The following FAXDC2 variants were observed in gnomAD, a reference collection of about 807,000 sequenced individuals.
The protein encoded by FAXDC2 is fatty acid hydroxylase domain containing 2.
In FAXDC2, 41 loss-of-function variants were observed where a neutral mutation model predicts 40.9. The ratio of observed to expected loss-of-function variants is 1.00; its 90% CI spans 0.78 to 1.30. FAXDC2 has a LOEUF of 1.30. Ranked by LOEUF, FAXDC2 falls within the 50% of genes most tolerant of loss-of-function variation. The probability of loss-of-function intolerance (pLI) is 0.00; values close to 1 mark genes in which losing one functional copy is unlikely to be tolerated. For synonymous variants in FAXDC2, 157 were observed against 149.3 expected (o/e 1.05, Z -0.38); for missense variants, 390 against 408.8 (o/e 0.95, Z 0.40).
intron 4 of FAXDC2, 43 bp downstream of exon 4, chr5:154,834,582 T>A (rs767909007): frequency 7.8e-7 from 1 of 1,285,568 alleles, no homozygotes; most frequent in Non-Finnish European, 1.1e-6. Flanking sequence ...TAAGTTATAA[T>A]CATGCACCCA....
Position 154,826,538 on chromosome 5 carries a change from A to G in FAXDC2, c.367-2946T>C, listed in dbSNP as rs969852093. On this transcript the variant is annotated intron_variant, in intron 5 of 8. Coordinates refer to ENST00000326080, the MANE Select transcript of FAXDC2 (RefSeq NM_032385.5). ...AGCAAGACTGTCTCTAAAAAAAAAA[A>G]AAAAAAAAGAAAAGAAAATATTGAG... Among the ~76,000 whole-genome samples the G allele has an allele frequency of 5.9e-5, 9 of 151,864 alleles. No homozygotes were observed. In the East Asian group the frequency reaches 7.7e-4, roughly 13 times the overall value.
intron 1 of FAXDC2, among the ~76,000 whole-genome samples, chr5:154,848,909 G>A (rs771563401): frequency 6.6e-6 from 1 of 152,102 alleles, no homozygotes; most frequent in Non-Finnish European, 1.5e-5. Flanking sequence ...GGAGGTTGCA[G>A]TGAGCCAAGA....
chr5:154,845,572 C>T (rs1760579082), intron 1 of FAXDC2, among the ~76,000 whole-genome samples: 1 of 151,832 alleles, frequency 6.6e-6, no homozygotes, highest in Non-Finnish European at 1.5e-5. Flanking sequence ...CCTATATCCA[C>T]AAAGTATTAA....
chr5:154,843,453 C>T (rs1398276677), intron 1 of FAXDC2, among the ~76,000 whole-genome samples: 2 of 152,202 alleles, frequency 1.3e-5, no homozygotes, highest in African/African-American at 2.4e-5. Context: ...AGTCTGGATA[C>T]ATATTCATCA....
chr5:154,830,716 C>G, intron 5 of FAXDC2, 85 bp downstream of exon 5: 1 of 1,534,558 alleles, frequency 6.5e-7, no homozygotes, highest in Non-Finnish European at 9.0e-7. Context: ...GGCCAGGTCT[C>G]TCCTGGGCCA....
chr5:154,820,429 G>C lies in FAXDC2; in HGVS notation c.889C>G (p.His297Asp). 2 of 1,613,278 alleles carry C rather than the reference G, an allele frequency of 1.2e-6. No homozygotes were observed. Among genetic ancestry groups the C allele is most frequent in the Admixed American group, 3.3e-5 (2 of 59,982 alleles). Reference protein sequence around the residue: ...YGVLGVLDHLHGTDTMFKQTK... With the variant: ...YGVLGVLDHLDGTDTMFKQTK... ...TGCTTGAACATGGTGTCAGTCCCATGGAGGTGGTCCAGCACACCCAGCACC... is the reference window on the plus strand; with the variant it reads ...TGCTTGAACATGGTGTCAGTCCCATCGAGGTGGTCCAGCACACCCAGCACC... Residue 297 changes from histidine to aspartate, a missense_variant, in exon 9 of 9, where the codon CAT becomes GAT. Physicochemically the swap from His to Asp is moderately conservative, Grantham distance 81. Coordinates refer to ENST00000326080, the MANE Select transcript of FAXDC2 (RefSeq NM_032385.5).
intron 1 of FAXDC2, among the ~76,000 whole-genome samples, chr5:154,849,613 T>C (rs924013455): frequency 6.6e-5 from 10 of 152,214 alleles, no homozygotes; most frequent in African/African-American, 2.4e-4. Context: ...TTTAGCACCA[T>C]TCCCTTGTGC....
chr5:154,822,553 G>T lies in FAXDC2; in HGVS notation c.597C>A (p.Tyr199Ter). The T allele has an allele frequency of 1.2e-6, 2 of 1,614,130 alleles. No individual in the cohort carries two copies. The highest frequency in any genetic ancestry group is 1.1e-5 in the South Asian group (1 of 91,088). ...CATGGTGTTTCTTGTGGATTTTCTT[G>T]TAGAATGTTGGGTGGTGAAGGAGCC... The part of the protein sequence containing the change: ...SHRLLHHPTF[Y>*]KKIHKKHHEW... Residue 199 changes from tyrosine (Y) to a stop codon, truncating the protein, a stop_gained, in exon 7 of 9, where the codon TAC becomes TAA. Transcript: ENST00000326080. LOFTEE classifies it high-confidence loss of function.
intron 4 of FAXDC2, chr5:154,831,412 A>AC (rs1760186609): frequency 6.5e-6 from 1 of 153,060 alleles, no homozygotes; most frequent in African/African-American, 2.4e-5. Context: ...TCTAGTCAGT[A>AC]TAAGTGGAAA....
chr5:154,840,073 A>C (rs942988426), intron 1 of FAXDC2, among the ~76,000 whole-genome samples: 1 of 152,210 alleles, frequency 6.6e-6, no homozygotes, highest in African/African-American at 2.4e-5. Flanking sequence ...TCTATAGATG[A>C]TAAGTAGCAG....
chr5:154,841,899 C>A (rs563526272), intron 1 of FAXDC2, among the ~76,000 whole-genome samples: 1 of 152,200 alleles, frequency 6.6e-6, no homozygotes, highest in East Asian at 1.9e-4. Context: ...CCATGCACAG[C>A]TAATTTTTTT....
At chr5:154,847,706 G>C (rs1760634147) in intron 1 of FAXDC2, among the ~76,000 whole-genome samples, 1 of 151,308 alleles carries the variant, frequency 6.6e-6, no homozygotes, top group Non-Finnish European at 1.5e-5. Flanking sequence ...GGCCAGGCTG[G>C]TCTTGAACTC....
At chr5:154,821,121 G>A in intron 8 of FAXDC2, 139 bp downstream of exon 8, 1 of 751,502 alleles carries the variant, frequency 1.3e-6, no homozygotes, top group Non-Finnish European at 2.3e-6. Context: ...TCCCAGTGTG[G>A]TTATTTTCCC....
At chr5:154,829,945 G>A (rs1490532649) in intron 5 of FAXDC2, among the ~76,000 whole-genome samples, 1 of 152,198 alleles carries the variant, frequency 6.6e-6, no homozygotes, top group African/African-American at 2.4e-5. Context: ...AGTAAGCCAG[G>A]CCAGCAGTCC....
rs759823090 is a variant in FAXDC2, at chr5:154,823,422, C to T, written c.537G>A (p.Thr179=). The change falls in exon 6 of 9, where the codon ACG becomes ACA. Residue 179 remains threonine, a synonymous_variant. Transcript: ENST00000326080. ...AGTAGAACAAGACTTCCTCGATCAGCGTGAAGATGGCCAGCTCCAGGAGGA... is the reference window on the plus strand; with the variant it reads ...AGTAGAACAAGACTTCCTCGATCAGTGTGAAGATGGCCAGCTCCAGGAGGA... ...HWFLLELAIF[T]LIEEVLFYYS... 17 of 1,613,838 alleles carry T rather than the reference C, an allele frequency of 1.1e-5. No homozygotes were observed. In the South Asian group the frequency reaches 1.5e-4, roughly 15 times the overall value.
intron 1 of FAXDC2, among the ~76,000 whole-genome samples, chr5:154,846,166 A>G (rs1032180414): frequency 6.6e-6 from 1 of 152,078 alleles, no homozygotes; most frequent in African/African-American, 2.4e-5. Context: ...CTACAAAAGT[A>G]TAGAATACAT....
At position 154,838,198 on chromosome 5, in the gene FAXDC2, G is replaced by A; in HGVS notation, c.1-20C>T. On this transcript the variant is annotated intron_variant, in intron 1 of 8. Transcript: ENST00000326080. Reference sequence around the variant, plus strand: ...TTTCATCTGGAATGAGAAAGCACAGGCGAGCCGGGGAGTTATTTTCATAAA... The same window carrying A: ...TTTCATCTGGAATGAGAAAGCACAGACGAGCCGGGGAGTTATTTTCATAAA... 2 of 1,611,762 alleles carry A rather than the reference G, an allele frequency of 1.2e-6. No individual in the cohort carries two copies. Among genetic ancestry groups the A allele is most frequent in the Non-Finnish European group, 8.5e-7 (1 of 1,178,702 alleles).
rs748985025 is a variant in FAXDC2 at position 154,821,337 on chromosome 5, G to C, written c.768C>G (p.Ile256Met). ...AGCCACAGTGGGAGATGGTGGTGATGATGAGGGCCAAGGAAAACCACATGG... is the reference window on the plus strand; with the variant it reads ...AGCCACAGTGGGAGATGGTGGTGATCATGAGGGCCAAGGAAAACCACATGG... ...SITMWFSLAL[I>M]ITTISHCGYH... The change falls in exon 8 of 9, where the codon ATC (isoleucine) becomes ATG (methionine). Residue 256 changes from isoleucine (I) to methionine (M), a missense_variant. By Grantham distance (10) the Ile-to-Met change is conservative (BLOSUM62 1). Transcript: ENST00000326080. 2 of 1,610,590 alleles carry C rather than the reference G, an allele frequency of 1.2e-6. No individual in the cohort carries two copies. Among genetic ancestry groups the C allele is most frequent in the Non-Finnish European group, 1.7e-6 (2 of 1,178,804 alleles).
At chr5:154,845,781 G>A (rs1454622887) in intron 1 of FAXDC2, among the ~76,000 whole-genome samples, 1 of 150,168 alleles carries the variant, frequency 6.7e-6, no homozygotes, top group Admixed American at 6.6e-5. Context: ...GCTTCAAGTT[G>A]GACACCTATT....
Sources: gnomAD v4.1 joint callset for allele counts (sites outside exome capture counted in the v4.1 genomes callset) on GRCh38, gnomAD v4.1.1 for gene constraint, MANE v1.5 for transcripts, NCBI Gene and HGNC (gene_info 2026-07-23, HGNC 2026-07-21) for gene names.